The following WWOX variants were observed in gnomAD, a reference collection of about 807,000 sequenced individuals.
WWOX encodes the protein WW domain-containing oxidoreductase.
In WWOX, 69 loss-of-function variants were observed where a neutral mutation model predicts 46.2. That is an observed-to-expected ratio of 1.49 (90% CI 1.23 to 1.82). WWOX has a LOEUF of 1.82. Ranked by LOEUF, WWOX falls within the 40% of genes most tolerant of loss-of-function variation. The probability of loss-of-function intolerance (pLI) is 0.00; values close to 1 mark genes in which losing one functional copy is unlikely to be tolerated. For missense variants in WWOX, 919 were observed against 542.6 expected, an observed-to-expected ratio of 1.69 and a Z score of -6.89; for synonymous variants, 359 against 202.6, an observed-to-expected ratio of 1.77 and a Z score of -6.56.
chr16:78,726,707 T>C (rs952579930), intron 8 of WWOX, among the ~76,000 whole-genome samples: 2 of 118,350 alleles, frequency 1.7e-5, no homozygotes, highest in African/African-American at 8.3e-5. Flanking sequence ...GGTTGGTTGG[T>C]TTTGTTTTGT....
intron 5 of WWOX, among the ~76,000 whole-genome samples, chr16:78,300,516 C>T (rs1180976765): frequency 6.6e-6 from 1 of 151,708 alleles, no homozygotes; most frequent in Non-Finnish European, 1.5e-5. Context: ...TCTCCCCTCT[C>T]CCTTCTCCCC....
intron 8 of WWOX, among the ~76,000 whole-genome samples, chr16:78,979,624 T>C (rs2046642154): frequency 6.6e-6 from 1 of 152,144 alleles, no homozygotes; most frequent in South Asian, 2.1e-4. Context: ...ACCGATGCTC[T>C]TGAAAGGATC....
chr16:78,949,077 C>T (rs1294530945), intron 8 of WWOX, among the ~76,000 whole-genome samples: 1 of 152,170 alleles, frequency 6.6e-6, no homozygotes, highest in African/African-American at 2.4e-5. Flanking sequence ...GGACCTTCCA[C>T]CTACAATAGC....
Position 78,386,899 on chromosome 16 carries a change from C to G in WWOX, c.556C>G (p.Leu186Val), listed in dbSNP as rs772539448. Residue 186 changes from leucine (L) to valine (V), a missense_variant, in exon 6 of 9, where the codon CTG becomes GTG. Transcript: ENST00000566780. ...AGAAGCAATGACCCTGGACCTCGCT[C>G]TGCTCCGTAGCGTGCAGCATTTTGC... ...KVEAMTLDLALLRSVQHFAEA... is the reference protein window; with the variant it reads ...KVEAMTLDLAVLRSVQHFAEA... 2.0e-5 allele frequency: 33 copies of G among 1,614,126 alleles called. No individual in the cohort carries two copies. The East Asian group carries it at 4.2e-4, about 21-fold the overall frequency.
At chr16:78,930,050 T>C (rs2045584759) in intron 8 of WWOX, among the ~76,000 whole-genome samples, 1 of 152,022 alleles carries the variant, frequency 6.6e-6, no homozygotes, top group African/African-American at 2.4e-5. Flanking sequence ...TTCTTGGGCG[T>C]GTCCTTAGGG....
At chr16:78,461,019 G>T (rs1037096579) in intron 8 of WWOX, among the ~76,000 whole-genome samples, 1 of 152,246 alleles carries the variant, frequency 6.6e-6, no homozygotes, top group Admixed American at 6.5e-5. Flanking sequence ...CATACTTGAA[G>T]AGTGGACATC....
intron 8 of WWOX, chr16:78,825,346 T>G: frequency 3.2e-6 from 1 of 311,840 alleles, no homozygotes; most frequent in Non-Finnish European, 6.5e-6. Context: ...CTGAACGGAA[T>G]CAGTTTCTTA....
At chr16:79,037,062 G>T (rs2047881108) in intron 8 of WWOX, among the ~76,000 whole-genome samples, 2 of 152,068 alleles carry the variant, frequency 1.3e-5, no homozygotes, top group African/African-American at 2.4e-5. Context: ...AAGAATGCAG[G>T]GCTCTTCCTC....
chr16:78,548,797 G>A (rs570337610), intron 8 of WWOX, among the ~76,000 whole-genome samples: 188 of 152,240 alleles, frequency 1.2e-3, no homozygotes, highest in African/African-American at 4.2e-3. Flanking sequence ...GAAAATAAAC[G>A]CCTTCATTTC....
chr16:79,194,466 A>G (rs2051198378), intron 8 of WWOX, among the ~76,000 whole-genome samples: 1 of 152,206 alleles, frequency 6.6e-6, no homozygotes, highest in African/African-American at 2.4e-5. Flanking sequence ...GGTTCTGGTT[A>G]TGAACTCACA....
At chr16:78,807,555 C>T (rs947229711) in intron 8 of WWOX, among the ~76,000 whole-genome samples, 1 of 152,176 alleles carries the variant, frequency 6.6e-6, no homozygotes. Flanking sequence ...TGGCTAAAAC[C>T]TGATTCAAAT....
At chr16:78,200,589 T>G (rs2036199027) in intron 5 of WWOX, among the ~76,000 whole-genome samples, 1 of 151,542 alleles carries the variant, frequency 6.6e-6, no homozygotes, top group African/African-American at 2.4e-5. Context: ...TTGAGTTTTT[T>G]TTTTTTTAAA....
At chr16:78,245,246 C>T (rs974579128) in intron 5 of WWOX, among the ~76,000 whole-genome samples, 3 of 152,188 alleles carry the variant, frequency 2.0e-5, no homozygotes, top group African/African-American at 7.2e-5. Flanking sequence ...TGTTAGTAAA[C>T]CAATGAGAGG....
intron 8 of WWOX, among the ~76,000 whole-genome samples, chr16:79,159,215 C>T (rs1045967897): frequency 6.6e-6 from 1 of 152,208 alleles, no homozygotes; most frequent in Admixed American, 6.5e-5. Context: ...AGACTAATCT[C>T]AATTACCAGG....
At chr16:79,145,903 A>C (rs911217640) in intron 8 of WWOX, among the ~76,000 whole-genome samples, 13 of 152,222 alleles carry the variant, frequency 8.5e-5, no homozygotes, top group Admixed American at 3.3e-4. Context: ...CCTGTATTAA[A>C]ATTATATAAT....
chr16:78,302,922 T>G (rs1177742768), intron 5 of WWOX, among the ~76,000 whole-genome samples: 1 of 152,186 alleles, frequency 6.6e-6, no homozygotes, highest in Non-Finnish European at 1.5e-5. Flanking sequence ...CTCACTACTT[T>G]ATCAACTGTA....
chr16:79,045,814 T>C (rs1251862692), intron 8 of WWOX, among the ~76,000 whole-genome samples: 11 of 98,214 alleles, frequency 1.1e-4, no homozygotes, highest in Non-Finnish European at 1.3e-4. Flanking sequence ...TTTTTTTTTT[T>C]TTTTTGAGAT....
intron 8 of WWOX, among the ~76,000 whole-genome samples, chr16:78,930,934 C>G (rs72806761): frequency 0.012 from 1,811 of 152,222 alleles, 36 homozygotes; most frequent in African/African-American, 0.041. Context: ...GGTCCTATCA[C>G]TAACTAGTAC....
chr16:78,691,260 G>A (rs758671311), intron 8 of WWOX: 2 of 702,238 alleles, frequency 2.8e-6, no homozygotes, highest in South Asian at 3.0e-5. Flanking sequence ...CTGCCTGGTA[G>A]AAGGAGGTCA....
Sources: allele counts gnomAD v4.1 joint callset (sites outside exome capture counted in the v4.1 genomes callset), GRCh38; gene constraint gnomAD v4.1.1; transcripts MANE v1.5; gene names NCBI Gene and HGNC (gene_info 2026-07-23, HGNC 2026-07-21).